The following PAN3 variants were observed in gnomAD, a reference collection of about 807,000 sequenced individuals.
PAN3 encodes poly(A) specific ribonuclease subunit PAN3.
In PAN3, 19 loss-of-function variants were observed where a neutral mutation model predicts 96.2. That is an observed-to-expected ratio of 0.20 (90% confidence interval 0.14 to 0.29). The LOEUF (loss-of-function observed/expected upper bound fraction) is 0.29. Among genes scored for constraint, PAN3 ranks in the 10% least tolerant of loss-of-function variants. PAN3 has a pLI of 1.00. For missense variants in PAN3, 882 were observed against 1,108.1 expected, an observed-to-expected ratio of 0.80 and a Z score of 2.90; for synonymous variants, 433 against 406.6, an observed-to-expected ratio of 1.06 and a Z score of -0.78.
At chr13:28,175,001 A>T (rs975045673) in intron 2 of PAN3, among the ~76,000 whole-genome samples, 1 of 151,744 alleles carries the variant, frequency 6.6e-6, no homozygotes, top group African/African-American at 2.4e-5. Context: ...TTTCCCCTTT[A>T]TCATATGACT....
chr13:28,186,037 C>T (rs1244180282), intron 4 of PAN3, among the ~76,000 whole-genome samples: 2 of 152,138 alleles, frequency 1.3e-5, no homozygotes, highest in Non-Finnish European at 2.9e-5. Context: ...TAACCAAAAC[C>T]GTGTGGTTTT....
intron 6 of PAN3, among the ~76,000 whole-genome samples, chr13:28,245,231 T>C (rs1440521629): frequency 6.6e-6 from 1 of 152,222 alleles, no homozygotes; most frequent in Admixed American, 6.5e-5. Context: ...AGAATTGACA[T>C]CTTTATAACA....
At chr13:28,212,824 A>C (rs1880214807) in intron 5 of PAN3, among the ~76,000 whole-genome samples, 1 of 152,202 alleles carries the variant, frequency 6.6e-6, no homozygotes, top group South Asian at 2.1e-4. Flanking sequence ...CCATGGGATA[A>C]CATCAGGTGA....
At chr13:28,234,245 G>A (rs1366489739) in intron 6 of PAN3, among the ~76,000 whole-genome samples, 1 of 152,088 alleles carries the variant, frequency 6.6e-6, no homozygotes, top group Non-Finnish European at 1.5e-5. Context: ...TTTCCAGGTT[G>A]GAATGCAGTG....
chr13:28,236,533 GGAA>G (rs1232641767), intron 6 of PAN3, among the ~76,000 whole-genome samples: 1 of 152,156 alleles, frequency 6.6e-6, no homozygotes, highest in Non-Finnish European at 1.5e-5. Flanking sequence ...AAACTTTCAT[GGAA>G]GAAGAACTGA....
chr13:28,207,563 A>T (rs45577932), intron 5 of PAN3, among the ~76,000 whole-genome samples: 8 of 152,112 alleles, frequency 5.3e-5, no homozygotes, highest in Non-Finnish European at 1.0e-4. Flanking sequence ...TCCTTTGGCT[A>T]TTCTTTTTGA....
At chr13:28,188,877 T>C (rs758400800) in intron 4 of PAN3, among the ~76,000 whole-genome samples, 1 of 152,214 alleles carries the variant, frequency 6.6e-6, no homozygotes, top group Non-Finnish European at 1.5e-5. Context: ...CTTAGTAGCT[T>C]TAACTACATT....
At chr13:28,165,822 C>T (rs946065309) in intron 1 of PAN3, among the ~76,000 whole-genome samples, 1 of 152,002 alleles carries the variant, frequency 6.6e-6, no homozygotes, top group African/African-American at 2.4e-5. Flanking sequence ...TGCCTTGTTG[C>T]CACCTGCTCA....
intron 6 of PAN3, among the ~76,000 whole-genome samples, chr13:28,224,767 TAC>T (rs1486083601): frequency 6.6e-6 from 1 of 152,140 alleles, no homozygotes; most frequent in Non-Finnish European, 1.5e-5. Context: ...GGACTACAGA[TAC>T]ATGCCAAGTT....
intron 18 of PAN3, among the ~76,000 whole-genome samples, chr13:28,289,657 G>A (rs1366026196): frequency 3.3e-5 from 5 of 152,220 alleles, no homozygotes; most frequent in African/African-American, 4.8e-5. Context: ...CACGGCGGGC[G>A]GATCACGAGG....
At chr13:28,193,478 AC>A (rs1307199432) in intron 4 of PAN3, among the ~76,000 whole-genome samples, 13 of 152,168 alleles carry the variant, frequency 8.5e-5, no homozygotes, top group African/African-American at 3.1e-4. Context: ...CACGTGGTTC[AC>A]GCCTGTAATC....
chr13:28,247,608 G>A (rs932538918), intron 6 of PAN3, among the ~76,000 whole-genome samples: 19 of 152,082 alleles, frequency 1.2e-4, no homozygotes, highest in African/African-American at 4.1e-4. Context: ...TTTGCATATG[G>A]TAAGAGAAAG....
At chr13:28,217,043 G>A (rs1366129758) in intron 5 of PAN3, among the ~76,000 whole-genome samples, 1 of 151,808 alleles carries the variant, frequency 6.6e-6, no homozygotes, top group African/African-American at 2.4e-5. Context: ...GAACCCGGGG[G>A]GCAGAAGTTG....
chr13:28,173,597 C>A (rs1007900383), intron 1 of PAN3, among the ~76,000 whole-genome samples: 1 of 152,272 alleles, frequency 6.6e-6, no homozygotes, highest in African/African-American at 2.4e-5. Context: ...GGGGGTTTCT[C>A]AATGACTGCC....
At chr13:28,169,949 A>G (rs1874090431) in intron 1 of PAN3, among the ~76,000 whole-genome samples, 1 of 152,094 alleles carries the variant, frequency 6.6e-6, no homozygotes, top group Non-Finnish European at 1.5e-5. Context: ...TGGGAGGCTG[A>G]GGCTGGAGAG....
In PAN3 at chr13:28,156,831, A is replaced by G. The variant is rs113248513; in HGVS notation, c.431-17441A>G. Among the ~76,000 whole-genome samples, 1,460 of 151,974 alleles carry G rather than the reference A, an allele frequency of 9.6e-3. 18 individuals are homozygous for G. The highest frequency in any genetic ancestry group is 0.034 in the African/African-American group (1,394 of 41,456). ...AACATGGTGAGTACCTATGTCTACC[A>G]AAAAATTTAAAAAATTAGCTGGGTG... On this transcript the variant is annotated intron_variant, in intron 1 of 18. Coordinates refer to ENST00000380958, the MANE Select transcript of PAN3 (RefSeq NM_175854.8).
intron 4 of PAN3, among the ~76,000 whole-genome samples, chr13:28,190,729 C>T (rs910364681): frequency 6.6e-6 from 1 of 152,048 alleles, no homozygotes; most frequent in South Asian, 2.1e-4. Context: ...GTGATAAAAC[C>T]ATCAGATCTC....
intron 4 of PAN3, among the ~76,000 whole-genome samples, chr13:28,189,305 C>T (rs923222162): frequency 1.3e-5 from 2 of 152,160 alleles, no homozygotes; most frequent in African/African-American, 4.8e-5. Flanking sequence ...ATCATGAAGT[C>T]AGGAGTTCAA....
At position 28,148,163 on chromosome 13, in the gene PAN3, C is replaced by G. The variant is rs1233512486; in HGVS notation, c.430+9076C>G. 2.0e-5 allele frequency among the ~76,000 whole-genome samples: 3 copies of G among 152,022 alleles called. No homozygotes were observed. In the East Asian group the frequency reaches 5.8e-4, roughly 29 times the overall value. On this transcript the variant is annotated intron_variant, in intron 1 of 18. Transcript: ENST00000380958. ...TGGAGATGGGGTCTCCCTGTGTTTC[C>G]CAGGCTGTTCTCTAACTCCTGGGCT...
Sources: allele counts gnomAD v4.1 joint callset (sites outside exome capture counted in the v4.1 genomes callset), GRCh38; gene constraint gnomAD v4.1.1; transcripts MANE v1.5; gene names NCBI Gene and HGNC (gene_info 2026-07-23, HGNC 2026-07-21).